RNF212B: variants seen among roughly 807,000 people sequenced by gnomAD.
The protein encoded by RNF212B is E3 ubiquitin-protein ligase RNF212B.
A neutral mutation model predicts 55.5 loss-of-function variants in RNF212B; 52 were observed. That is an observed-to-expected ratio of 0.94 (90% CI 0.75 to 1.18). The LOEUF is 1.18. Ranked by LOEUF, RNF212B falls within the 50% of genes most tolerant of loss-of-function variation. The pLI, the probability that RNF212B is intolerant of heterozygous loss-of-function variation, is 0.00. For synonymous variants in RNF212B, 99 were observed against 121.4 expected (o/e 0.82, Z 1.21); for missense variants, 289 against 350.4 (o/e 0.82, Z 1.40).
At chr14:23,206,570 T>G (rs971290166) in intron 2 of RNF212B, among the ~76,000 whole-genome samples, 2 of 152,176 alleles carry the variant, frequency 1.3e-5, no homozygotes, top group Non-Finnish European at 1.5e-5. Context: ...CTTTTTTCCT[T>G]TCTTAGACTG....
At chr14:23,228,110 A>G (rs1369975447) in intron 2 of RNF212B, among the ~76,000 whole-genome samples, 4 of 151,838 alleles carry the variant, frequency 2.6e-5, no homozygotes, top group Admixed American at 6.6e-5. Flanking sequence ...CATGCCTGTA[A>G]TCCCAGCTAC....
At chr14:23,224,656 GAAAA>G (rs1391475223) in intron 2 of RNF212B, among the ~76,000 whole-genome samples, 4 of 152,138 alleles carry the variant, frequency 2.6e-5, no homozygotes, top group Non-Finnish European at 5.9e-5. Flanking sequence ...ACTACTTCAA[GAAAA>G]CATTGGGGAA....
intron 14 of RNF212B, 143 bp downstream of exon 14, chr14:23,270,804 C>A: frequency 3.2e-6 from 2 of 628,586 alleles, no homozygotes; most frequent in Non-Finnish European, 2.9e-6. Context: ...CACAATCTTC[C>A]AGAATGGTCT....
chr14:23,244,231 A>C, intron 3 of RNF212B, 91 bp from the exon 4 acceptor site: 1 of 694,018 alleles, frequency 1.4e-6, no homozygotes, highest in Non-Finnish European at 2.4e-6. Context: ...CAGGTACATT[A>C]GAAAAGGTGG....
intron 1 of RNF212B, among the ~76,000 whole-genome samples, chr14:23,190,698 A>C (rs1322943432): frequency 6.6e-6 from 1 of 151,986 alleles, no homozygotes; most frequent in Non-Finnish European, 1.5e-5. Context: ...GTTCCCCTAC[A>C]CTTTATTCTC....
intron 2 of RNF212B, among the ~76,000 whole-genome samples, chr14:23,197,090 G>A (rs1030104197): frequency 2.0e-5 from 3 of 152,164 alleles, no homozygotes; most frequent in African/African-American, 7.2e-5. Flanking sequence ...AATGTATATA[G>A]GACATGTATG....
At chr14:23,245,732 C>T (rs991328385) in intron 4 of RNF212B, among the ~76,000 whole-genome samples, 3 of 152,168 alleles carry the variant, frequency 2.0e-5, no homozygotes, top group African/African-American at 7.2e-5. Context: ...CAAATAGTAG[C>T]CCCAACATTT....
intron 1 of RNF212B, among the ~76,000 whole-genome samples, chr14:23,186,866 C>T (rs937982716): frequency 2.6e-5 from 4 of 152,196 alleles, no homozygotes; most frequent in Non-Finnish European, 2.9e-5. Context: ...TGATAGTTTA[C>T]ACTGAGCACT....
chr14:23,217,128 T>C (rs1881157533), intron 2 of RNF212B, among the ~76,000 whole-genome samples: 1 of 151,920 alleles, frequency 6.6e-6, no homozygotes, highest in South Asian at 2.1e-4. Context: ...CCCCCTGCCC[T>C]GAAGGGTGAG....
intron 2 of RNF212B, among the ~76,000 whole-genome samples, chr14:23,203,668 G>C (rs1440904824): frequency 6.6e-6 from 1 of 151,922 alleles, no homozygotes; most frequent in Non-Finnish European, 1.5e-5. Context: ...AGTAGAGATG[G>C]GGTTTCACCA....
At chr14:23,217,907 T>C (rs547218792) in intron 2 of RNF212B, among the ~76,000 whole-genome samples, 1 of 152,148 alleles carries the variant, frequency 6.6e-6, no homozygotes, top group South Asian at 2.1e-4. Flanking sequence ...CAGGGATCAA[T>C]ACTGGAGAAA....
At chr14:23,191,813 A>G (rs1406800077) in intron 1 of RNF212B, among the ~76,000 whole-genome samples, 1 of 152,210 alleles carries the variant, frequency 6.6e-6, no homozygotes, top group African/African-American at 2.4e-5. Context: ...TAAGGCCTAG[A>G]GCAGTTCTTG....
intron 4 of RNF212B, among the ~76,000 whole-genome samples, chr14:23,248,427 C>T (rs1884151308): frequency 6.7e-6 from 1 of 148,578 alleles, no homozygotes; most frequent in Admixed American, 6.7e-5. Flanking sequence ...CCACCACGCC[C>T]AACCCCAAGC....
chr14:23,258,693 C>CTTTT (rs10547691), intron 5 of RNF212B, 29 bp downstream of exon 5: 16 of 590,418 alleles, frequency 2.7e-5, no homozygotes, highest in South Asian at 2.6e-4. Flanking sequence ...CCCAAGAGAG[C>CTTTT]TTTTTTTTTT....
rs61656270 is a variant in RNF212B, at chr14:23,229,220, T to TTATATATATATATA, written c.-1-11096_-1-11083dup. On this transcript the variant is annotated intron_variant, in intron 2 of 15. Coordinates refer to the RNF212B transcript ENST00000399910. ...ATTTCCTTTATGGCTGAATAATATT[T>TTATATATATATATA]TATATATATATATATATATATATAT... Among the ~76,000 whole-genome samples the TTATATATATATATA allele has an allele frequency of 2.4e-3, 153 of 64,924 alleles. 7 individuals are homozygous for TTATATATATATATA. Among genetic ancestry groups the TTATATATATATATA allele is most frequent in the South Asian group, 5.1e-3 (5 of 990 alleles). 42.6% of individuals were successfully genotyped at this position (64,924 alleles called of 152,430 possible).
At chr14:23,252,114 GGGA>G (rs1308574891) in intron 4 of RNF212B, among the ~76,000 whole-genome samples, 1 of 151,954 alleles carries the variant, frequency 6.6e-6, no homozygotes, top group African/African-American at 2.4e-5. Flanking sequence ...AAGAAAGGTT[GGGA>G]CCCCAACCCT....
chr14:23,251,813 T>TA (rs1884424642), intron 4 of RNF212B, among the ~76,000 whole-genome samples: 1 of 68,430 alleles, frequency 1.5e-5, no homozygotes, highest in Non-Finnish European at 3.3e-5. Flanking sequence ...AGACTCTGTC[T>TA]CAAAAAAAAA....
chr14:23,263,031 AGTT>A, intron 9 of RNF212B, 61 bp downstream of exon 9: 2 of 1,406,266 alleles, frequency 1.4e-6, no homozygotes, highest in Non-Finnish European at 2.0e-6. Context: ...AGAAATATCT[AGTT>A]GTAGCTCAGA....
chr14:23,237,397 T>C (rs1883192513), upstream of RNF212B, among the ~76,000 whole-genome samples: 1 of 152,212 alleles, frequency 6.6e-6, no homozygotes, highest in African/African-American at 2.4e-5. Context: ...CCCAAGGTGC[T>C]GGGATTACAG....
Sources: gnomAD v4.1 joint callset for allele counts (sites outside exome capture counted in the v4.1 genomes callset) on GRCh38, gnomAD v4.1.1 for gene constraint, MANE v1.5 for transcripts, NCBI Gene and HGNC (gene_info 2026-07-23, HGNC 2026-07-21) for gene names.